The following ANLN variants were observed in gnomAD, a reference collection of about 807,000 sequenced individuals.
The protein encoded by ANLN is anillin, actin binding protein, also known as anillin.
Under a neutral mutation model 135.1 loss-of-function variants are expected in ANLN, and 59 were observed. The ratio of observed to expected loss-of-function variants is 0.44; its 90% CI spans 0.35 to 0.54. The LOEUF (loss-of-function observed/expected upper bound fraction) is 0.54, where lower values mean the gene tolerates loss of function less well. Among genes scored for constraint, ANLN ranks in the 20% least tolerant of loss-of-function variants. ANLN has a pLI of 0.00. For synonymous variants in ANLN, 406 were observed against 456.4 expected, an observed-to-expected ratio of 0.89 and a Z score of 1.41; for missense variants, 1,182 against 1,340.0, an observed-to-expected ratio of 0.88 and a Z score of 1.84.
At chr7:36,433,395 G>A (rs542424907) in intron 20 of ANLN, among the ~76,000 whole-genome samples, 20 of 152,226 alleles carry the variant, frequency 1.3e-4, no homozygotes, top group African/African-American at 4.8e-4. Flanking sequence ...ATTCTTTAAA[G>A]TTGTTAATTT....
Position 36,401,623 on chromosome 7 carries a change from G to A in ANLN, c.487+2230G>A, listed in dbSNP as rs1428991062. Reference sequence around the variant, plus strand: ...CAAAGTGCTGGGATTATAGACGTGAGCCACCTCGGCAGGCCACCTGATGTT... The same window carrying A: ...CAAAGTGCTGGGATTATAGACGTGAACCACCTCGGCAGGCCACCTGATGTT... On this transcript the variant is annotated intron_variant, in intron 3 of 23. Transcript: ENST00000265748. 1.6e-5 allele frequency among the ~76,000 whole-genome samples: 2 copies of A among 121,714 alleles called. 1 individual carries two copies. Among genetic ancestry groups the A allele is most frequent in the Non-Finnish European group, 3.6e-5 (2 of 55,146 alleles). The allele number at this position is 121,714 out of a possible 152,430, so 79.8% of individuals were successfully genotyped here.
intron 2 of ANLN, 56 bp downstream of exon 2, chr7:36,396,475 C>A: frequency 1.3e-6 from 2 of 1,505,546 alleles, no homozygotes; most frequent in Non-Finnish European, 1.8e-6. Flanking sequence ...TTGAAGGAGA[C>A]AAGCCCCAAA....
intron 7 of ANLN, among the ~76,000 whole-genome samples, chr7:36,412,827 T>C (rs1787480264): frequency 6.6e-6 from 1 of 152,210 alleles, no homozygotes; most frequent in Admixed American, 6.5e-5. Context: ...TTCTCAAATA[T>C]ACCCATGTTT....
chr7:36,439,176 G>A (rs551453552), intron 20 of ANLN, 28 bp from the exon 21 acceptor site: 74 of 1,292,668 alleles, frequency 5.7e-5, no homozygotes, highest in South Asian at 2.7e-4. Context: ...AACCTGTTTT[G>A]CAAATAATTT....
chr7:36,396,505 A>C, intron 2 of ANLN, 86 bp downstream of exon 2: 1 of 1,339,494 alleles, frequency 7.5e-7, no homozygotes, highest in South Asian at 1.8e-5. Flanking sequence ...AGCATATAGA[A>C]GAACCAAGCT....
At chr7:36,451,140 A>C (rs1789226019) in intron 23 of ANLN, among the ~76,000 whole-genome samples, 1 of 152,194 alleles carries the variant, frequency 6.6e-6, no homozygotes, top group African/African-American at 2.4e-5. Context: ...GATGGTGAGA[A>C]TATAAACATT....
intron 18 of ANLN, 119 bp downstream of exon 18, chr7:36,425,859 A>G (rs1382953714): frequency 8.6e-7 from 1 of 1,162,126 alleles, no homozygotes; most frequent in East Asian, 2.4e-5. Context: ...AACATGTACT[A>G]ATGGGGGGAT....
At chr7:36,406,689 G>T in intron 4 of ANLN, 123 bp downstream of exon 4, 1 of 928,742 alleles carries the variant, frequency 1.1e-6, no homozygotes, top group Non-Finnish European at 1.5e-6. Context: ...TGCATAGTGA[G>T]TTTATATGTA....
At chr7:36,427,593 A>G (rs528847893) in intron 20 of ANLN, among the ~76,000 whole-genome samples, 81 of 152,316 alleles carry the variant, frequency 5.3e-4, no homozygotes, top group African/African-American at 1.9e-3. Flanking sequence ...GGCTCTGGCC[A>G]TCTGTCTGCC....
At chr7:36,397,041 A>G (rs1295505899) in intron 2 of ANLN, among the ~76,000 whole-genome samples, 1 of 152,084 alleles carries the variant, frequency 6.6e-6, no homozygotes, top group Non-Finnish European at 1.5e-5. Flanking sequence ...CTTTTCCTGG[A>G]GTGTAGAATA....
chr7:36,393,489 G>T (rs1786566919), intron 1 of ANLN, among the ~76,000 whole-genome samples: 1 of 152,210 alleles, frequency 6.6e-6, no homozygotes. Context: ...TATTCAACAG[G>T]TTATAGGCAG....
At chr7:36,409,183 T>G (rs1218152773) in intron 5 of ANLN, among the ~76,000 whole-genome samples, 2 of 152,232 alleles carry the variant, frequency 1.3e-5, no homozygotes, top group African/African-American at 4.8e-5. Flanking sequence ...TCTTTTTAAT[T>G]GTTCTTGGCT....
chr7:36,425,488 G>A (rs1017257291), intron 17 of ANLN, among the ~76,000 whole-genome samples: 5 of 151,872 alleles, frequency 3.3e-5, no homozygotes, highest in South Asian at 2.1e-4. Flanking sequence ...CAGAGAGGGG[G>A]TTTCACCATG....
chr7:36,403,186 A>C (rs941709924), intron 3 of ANLN, among the ~76,000 whole-genome samples: 8 of 152,156 alleles, frequency 5.3e-5, no homozygotes, highest in Admixed American at 1.3e-4. Context: ...GAAGAGGAGA[A>C]GCTGGATTTG....
intron 1 of ANLN, among the ~76,000 whole-genome samples, chr7:36,391,487 A>G (rs1046428085): frequency 2.6e-5 from 4 of 152,236 alleles, no homozygotes; most frequent in African/African-American, 7.2e-5. Flanking sequence ...AGAAATATGT[A>G]TGGTTTATAT....
Position 36,431,617 on chromosome 7 carries a change from A to ATATATATATATAT in ANLN, c.2883+4589_2883+4590insTATATATATATAT, listed in dbSNP as rs141380630. Among the ~76,000 whole-genome samples, 237 of 67,272 alleles carry ATATATATATATAT rather than the reference A, an allele frequency of 3.5e-3. 12 individuals carry two copies. The highest frequency in any genetic ancestry group is 6.4e-3 in the African/African-American group (110 of 17,088). 44.1% of individuals were successfully genotyped at this position (67,272 alleles called of 152,430 possible). ...TGTGTGTATATATATATATATATAT[A>ATATATATATATAT]ATATATATATATATATTACCATTTT... On this transcript the variant is annotated intron_variant, in intron 20 of 23. Transcript: ENST00000265748.
At chr7:36,452,358 G>A in intron 23 of ANLN, 119 bp from the exon 24 acceptor site, 1 of 1,257,812 alleles carries the variant, frequency 8.0e-7, no homozygotes, top group Non-Finnish European at 1.1e-6. Flanking sequence ...TCCATAAAAG[G>A]TGGTTAAAGG....
chr7:36,431,615 A>G (rs1788330435), intron 20 of ANLN, among the ~76,000 whole-genome samples: 1 of 45,614 alleles, frequency 2.2e-5, no homozygotes, highest in African/African-American at 6.8e-5. Flanking sequence ...ATATATATAT[A>G]TAATATATAT....
chr7:36,393,205 G>A (rs551103058), intron 1 of ANLN, among the ~76,000 whole-genome samples: 67 of 152,036 alleles, frequency 4.4e-4, no homozygotes, highest in Non-Finnish European at 8.8e-4. Flanking sequence ...TGTATTTTTA[G>A]TAGAGATGGG....
Sources: gnomAD v4.1 joint callset for allele counts (sites outside exome capture counted in the v4.1 genomes callset) on GRCh38, gnomAD v4.1.1 for gene constraint, MANE v1.5 for transcripts, NCBI Gene and HGNC (gene_info 2026-07-23, HGNC 2026-07-21) for gene names.